The following SEMA3A variants were observed in gnomAD, a reference collection of about 807,000 sequenced individuals.
SEMA3A encodes the protein semaphorin 3A.
SEMA3A carries 29 observed loss-of-function variants against 97.9 expected under a neutral mutation model. The ratio of observed to expected loss-of-function variants is 0.30; its 90% CI spans 0.22 to 0.40. The LOEUF (loss-of-function observed/expected upper bound fraction) is 0.40, where lower values mean the gene tolerates loss of function less well. SEMA3A is among the 10% of genes least tolerant of loss of function. SEMA3A has a pLI of 1.00. For synonymous variants in SEMA3A, 321 were observed against 323.7 expected (o/e 0.99, Z 0.09); for missense variants, 763 against 951.3 (o/e 0.80, Z 2.60).
chr7:84,424,731 T>A (rs1241250816), intron 1 of SEMA3A, among the ~76,000 whole-genome samples: 2 of 100,252 alleles, frequency 2.0e-5, no homozygotes, highest in Non-Finnish European at 3.5e-5. Context: ...TATTTATATA[T>A]TATATATTTA....
intron 2 of SEMA3A, among the ~76,000 whole-genome samples, chr7:84,355,669 A>C (rs1455544508): frequency 6.6e-6 from 1 of 151,874 alleles, no homozygotes; most frequent in Non-Finnish European, 1.5e-5. Context: ...TCTCAGTCTA[A>C]TCTATTTTTA....
In SEMA3A at chr7:83,957,935, G is replaced by C. The variant is rs748228428; in HGVS notation, c.*3436C>G. 9 of 151,954 alleles carry C rather than the reference G, an allele frequency of 5.9e-5. No individual in the cohort carries two copies. The highest frequency in any genetic ancestry group is 1.2e-4 in the Non-Finnish European group (8 of 67,944). 9.4% of individuals were successfully genotyped at this position (151,954 alleles called of 1,614,324 possible). On this transcript the variant is annotated 3_prime_UTR_variant, in exon 17 of 17. Transcript: ENST00000265362. ...AGTTTCATTAAATTGAATGGAAATT[G>C]TGTTTTAAAATGAGCTAATAAAACA...
chr7:84,294,446 A>G (rs1427354553), intron 3 of SEMA3A, among the ~76,000 whole-genome samples: 2 of 152,006 alleles, frequency 1.3e-5, no homozygotes, highest in East Asian at 3.8e-4. Flanking sequence ...TGATTTGCTC[A>G]GTTTTATATT....
rs147957658 is a variant in SEMA3A at position 84,290,439 on chromosome 7, GT to G, written c.-83+16767del. Among the ~76,000 whole-genome samples the G allele has an allele frequency of 0.013, 1,917 of 147,980 alleles. 60 individuals carry two copies. The East Asian group carries it at 0.15, about 11-fold the overall frequency. On this transcript the variant is annotated intron_variant, in intron 3 of 3. Transcript: ENST00000424555. ...TTTAGATTTTACACATTTAAAAGTT[GT>G]TTTTTTTTTCCTATTTATCTTAACT... is the stretch of plus-strand genomic sequence containing the variant.
chr7:84,154,026 C>T (rs1796759599), intron 1 of SEMA3A, among the ~76,000 whole-genome samples: 1 of 151,914 alleles, frequency 6.6e-6, no homozygotes, highest in Non-Finnish European at 1.5e-5. Flanking sequence ...CTACATATTT[C>T]GTTATATTAA....
chr7:84,432,847 C>T (rs1043392520), intron 1 of SEMA3A, among the ~76,000 whole-genome samples: 1 of 149,378 alleles, frequency 6.7e-6, no homozygotes, highest in Non-Finnish European at 1.5e-5. Flanking sequence ...CTGTGATGAA[C>T]ATACAAATGT....
intron 12 of SEMA3A, among the ~76,000 whole-genome samples, chr7:83,996,039 A>G (rs1790202650): frequency 6.6e-6 from 1 of 152,174 alleles, no homozygotes. Context: ...CCTTACATTC[A>G]ATAGAACTAT....
chr7:84,427,552 C>T (rs572127705), intron 1 of SEMA3A, among the ~76,000 whole-genome samples: 223 of 143,078 alleles, frequency 1.6e-3, no homozygotes, highest in African/African-American at 5.6e-3. Context: ...GAGGCTGAGG[C>T]AGAACTGCTT....
At chr7:84,248,122 C>T (rs924632671) in intron 3 of SEMA3A, among the ~76,000 whole-genome samples, 6 of 152,042 alleles carry the variant, frequency 3.9e-5, no homozygotes, top group Admixed American at 1.3e-4. Flanking sequence ...ATATAAAAAC[C>T]GGCATATGTG....
rs1026109175 is a variant in SEMA3A, at chr7:84,264,137, C to A, written c.-83+43070G>T. ...TTTGAATTGTCTTTTTTATTTTAAT[C>A]AAATAATGAATATTTTAAATGCTTA... On this transcript the variant is annotated intron_variant, in intron 3 of 3. Transcript: ENST00000424555. Among the ~76,000 whole-genome samples the A allele has an allele frequency of 4.0e-5, 6 of 151,838 alleles. No homozygotes were observed. The East Asian group carries it at 9.7e-4, about 24-fold the overall frequency.
chr7:84,187,409 G>A (rs1045444206), intron 1 of SEMA3A, among the ~76,000 whole-genome samples: 1 of 152,096 alleles, frequency 6.6e-6, no homozygotes, highest in Admixed American at 6.6e-5. Context: ...TTGTCCAAAG[G>A]AATGCAATAA....
At chr7:84,131,454 A>T (rs1474512069) in intron 2 of SEMA3A, among the ~76,000 whole-genome samples, 2 of 152,104 alleles carry the variant, frequency 1.3e-5, no homozygotes, top group Non-Finnish European at 2.9e-5. Flanking sequence ...TGGCAGGCCC[A>T]CTTACACATG....
At chr7:84,071,015 C>T in intron 4 of SEMA3A, among the ~76,000 whole-genome samples, 1 of 152,034 alleles carries the variant, frequency 6.6e-6, no homozygotes, top group East Asian at 1.9e-4. Flanking sequence ...TGACATATTG[C>T]ACTTTGACCA....
At chr7:84,419,667 A>G (rs1008782572) in intron 1 of SEMA3A, among the ~76,000 whole-genome samples, 1 of 152,166 alleles carries the variant, frequency 6.6e-6, no homozygotes, top group Admixed American at 6.6e-5. Context: ...AGCCACATAC[A>G]GGTTCAGAGT....
At chr7:84,153,709 CT>C (rs1796749009) in intron 1 of SEMA3A, among the ~76,000 whole-genome samples, 1 of 152,004 alleles carries the variant, frequency 6.6e-6, no homozygotes, top group African/African-American at 2.4e-5. Flanking sequence ...ATAAAATTTA[CT>C]TTTAATTATA....
intron 4 of SEMA3A, among the ~76,000 whole-genome samples, chr7:84,089,220 T>C (rs1794485194): frequency 6.6e-6 from 1 of 152,192 alleles, no homozygotes; most frequent in Non-Finnish European, 1.5e-5. Flanking sequence ...AGTTTAGTCA[T>C]AACCGTTCTG....
chr7:84,480,407 A>T (rs1288226244), intron 1 of SEMA3A, among the ~76,000 whole-genome samples: 1 of 152,230 alleles, frequency 6.6e-6, no homozygotes, highest in Non-Finnish European at 1.5e-5. Context: ...GCTCGTAGGG[A>T]ATCTTTCCAT....
intron 3 of SEMA3A, among the ~76,000 whole-genome samples, chr7:84,262,252 T>C (rs1292437883): frequency 6.6e-6 from 1 of 152,186 alleles, no homozygotes; most frequent in African/African-American, 2.4e-5. Context: ...TTTGCTCTTT[T>C]TGCCCAGGAT....
At chr7:84,031,212 C>T (rs959858712) in intron 6 of SEMA3A, among the ~76,000 whole-genome samples, 21 of 151,870 alleles carry the variant, frequency 1.4e-4, no homozygotes, top group African/African-American at 4.3e-4. Context: ...AGGATAGTCT[C>T]GATCTCCTGA....
Sources: gnomAD v4.1 joint callset for allele counts (sites outside exome capture counted in the v4.1 genomes callset) on GRCh38, gnomAD v4.1.1 for gene constraint, MANE v1.5 for transcripts, NCBI Gene and HGNC (gene_info 2026-07-23, HGNC 2026-07-21) for gene names.